The following AKT1S1 variants were observed in gnomAD, a reference collection of about 807,000 sequenced individuals.
AKT1S1 encodes AKT1 substrate 1, also known as proline-rich AKT1 substrate 1.
Under a neutral mutation model 21.2 loss-of-function variants are expected in AKT1S1, and 17 were observed. The observed-to-expected ratio is 0.80, with a 90% confidence interval of 0.55 to 1.20. The LOEUF is 1.20. AKT1S1 is among the 50% of genes most tolerant of loss of function. The pLI, the probability that AKT1S1 is intolerant of heterozygous loss-of-function variation, is 0.00. For synonymous variants in AKT1S1, 181 were observed against 165.6 expected, an observed-to-expected ratio of 1.09 and a Z score of -0.72; for missense variants, 366 against 368.3, an observed-to-expected ratio of 0.99 and a Z score of 0.05.
intron 1 of AKT1S1, chr19:49,876,799 C>G (rs1175596445): frequency 9.8e-7 from 1 of 1,017,294 alleles, no homozygotes; most frequent in Non-Finnish European, 1.3e-6. Context: ...CAGCTTGCCC[C>G]TAAGAAAAAT....
chr19:49,875,955 T>C (rs1568669673), intron 1 of AKT1S1: 9 of 985,172 alleles, frequency 9.1e-6, no homozygotes, highest in Non-Finnish European at 1.1e-5. Flanking sequence ...ACGAGTTTCG[T>C]GTAAGATCAG....
chr19:49,873,134 C>T lies in AKT1S1; in HGVS notation c.162G>A (p.Leu54=), dbSNP rs1196851610. The T allele has an allele frequency of 2.6e-6, 4 of 1,540,404 alleles. No homozygotes were observed. Among genetic ancestry groups the T allele is most frequent in the Non-Finnish European group, 1.7e-6 (2 of 1,148,324 alleles). The change falls in exon 2 of 5, where the codon CTG becomes CTA. Residue 54 remains leucine, a synonymous_variant. Transcript: ENST00000344175. The surrounding 1 kb of genome is among the most constrained non-coding windows in gnomAD (Gnocchi z 6.9). ...CAYAAHGRGA[L]AEAARRCLHD... is the part of the protein sequence containing the mutation. ...GGAGGCAACGGCGCGCTGCCTCCGC[C>T]AGGGCTCCTCGACCATGGGCAGCAT...
upstream of AKT1S1, chr19:49,878,011 C>A (rs2074972912): frequency 1.2e-6 from 1 of 820,126 alleles, no homozygotes; most frequent in African/African-American, 1.7e-5. Context: ...ATTCTCCCCG[C>A]CTTGGTCCCG....
At chr19:49,876,632 G>T (rs1470767700) in intron 1 of AKT1S1, 6 of 1,530,154 alleles carry the variant, frequency 3.9e-6, no homozygotes, top group Non-Finnish European at 5.3e-6. Flanking sequence ...CCGGCCCGGC[G>T]CCGTCACCGC....
chr19:49,869,779 G>A lies in AKT1S1; in HGVS notation c.*138C>T, dbSNP rs1047372709. On this transcript the variant is annotated 3_prime_UTR_variant, in exon 5 of 5. Coordinates refer to ENST00000344175, the MANE Select transcript of AKT1S1 (RefSeq NM_001098633.4). Reference sequence around the variant, plus strand: ...GCTGGAAGGACGGCGGGGATTGGCAGAGGCGGGACAATCTTGGGAATGGGA... The same window carrying A: ...GCTGGAAGGACGGCGGGGATTGGCAAAGGCGGGACAATCTTGGGAATGGGA... 23 of 1,028,126 alleles carry A rather than the reference G, an allele frequency of 2.2e-5. No individual in the cohort carries two copies. The African/African-American group carries it at 2.7e-4, about 12-fold the overall frequency. 63.7% of individuals were successfully genotyped at this position (1,028,126 alleles called of 1,614,324 possible). A position where few individuals can be genotyped will look rare whatever the true frequency, so the allele number is the denominator to read the frequency against.
upstream of AKT1S1, chr19:49,877,794 G>A (rs892100150): frequency 3.9e-6 from 6 of 1,556,722 alleles, no homozygotes; most frequent in South Asian, 1.2e-5. Context: ...GAAACGCCCC[G>A]TCTAGTGATC....
chr19:49,869,985 C>G lies in AKT1S1; in HGVS notation c.703G>C (p.Val235Leu). ...CGCGGCCGTGGCAGGTCCCCGAAGA[C>G]CTGGGTGTCCTCGGCCTCTCGCAGC... ...LVLREAEDTQVFGDLPRPRLN... is the reference protein window; with the variant it reads ...LVLREAEDTQLFGDLPRPRLN... Residue 235 changes from valine (V) to leucine (L), a missense_variant, in exon 5 of 5, where the codon GTC becomes CTC. Transcript: ENST00000344175. 1.3e-6 allele frequency: 2 copies of G among 1,547,646 alleles called. No individual in the cohort carries two copies. Among genetic ancestry groups the G allele is most frequent in the East Asian group, 2.5e-5 (1 of 40,140 alleles).
intron 1 of AKT1S1, chr19:49,876,252 C>A (rs2074942631): frequency 9.0e-7 from 1 of 1,115,804 alleles, no homozygotes; most frequent in Non-Finnish European, 1.1e-6. Context: ...CAGGAAATCC[C>A]GCCCAGACGG....
intron 4 of AKT1S1, 77 bp downstream of exon 4, chr19:49,871,470 T>A: frequency 2.5e-6 from 4 of 1,583,792 alleles, no homozygotes; most frequent in Non-Finnish European, 3.4e-6. Flanking sequence ...GCAGCATCCA[T>A]GCTGGAGGGC....
upstream of AKT1S1, chr19:49,878,135 C>A: frequency 6.4e-7 from 1 of 1,570,996 alleles, no homozygotes; most frequent in Non-Finnish European, 8.6e-7. Context: ...TGGTTCCCCC[C>A]AACTCAGGTG....
At position 49,873,247 on chromosome 19, in the gene AKT1S1, C is replaced by T. The variant is rs970350587; in HGVS notation, c.49G>A (p.Ala17Thr). The T allele has an allele frequency of 3.9e-6, 6 of 1,532,698 alleles. No individual in the cohort carries two copies. The highest frequency in any genetic ancestry group is 3.9e-5 in the Admixed American group (2 of 51,774). The allele number at this position is 1,532,698 out of a possible 1,614,324, so 94.9% of individuals were successfully genotyped here. A position where few individuals can be genotyped will look rare whatever the true frequency, so the allele number is the denominator to read the frequency against. ...CCAGTCCGGGCCCGGAAGCGCTCAG[C>T]GGCCCCCACCACGGCCTCCCACAGC... Reference protein sequence around the residue: ...EELWEAVVGAAERFRARTGTE... With the variant: ...EELWEAVVGATERFRARTGTE... The change falls in exon 2 of 5, where the codon GCT becomes ACT. Residue 17 changes from alanine (A) to threonine (T), a missense_variant. Transcript: ENST00000344175. This position sits in a 1 kb window ranked among gnomAD's most constrained non-coding sequence, Gnocchi z 6.9.
chr19:49,875,849 G>A, intron 1 of AKT1S1: 1 of 985,436 alleles, frequency 1.0e-6, no homozygotes, highest in Non-Finnish European at 1.2e-6. Flanking sequence ...CAGGAGAGTA[G>A]CCAAGACCTG....
At chr19:49,871,965 G>C in intron 2 of AKT1S1, 76 bp from the exon 3 acceptor site, 2 of 1,463,774 alleles carry the variant, frequency 1.4e-6, no homozygotes, top group Non-Finnish European at 1.9e-6. Flanking sequence ...CCTCAGCCAC[G>C]GCCACTGCCA....
At chr19:49,871,985 C>T (rs2290775) in intron 2 of AKT1S1, 96 bp from the exon 3 acceptor site, 503,749 of 1,237,162 alleles carry the variant, frequency 0.41, 104,480 homozygotes, top group South Asian at 0.52. Context: ...ACAGCCACCA[C>T]CTCCACCTCC....
chr19:49,871,315 T>C (rs898782761), intron 4 of AKT1S1, among the ~76,000 whole-genome samples: 6 of 152,058 alleles, frequency 3.9e-5, no homozygotes, highest in Admixed American at 1.3e-4. Context: ...GTTCTATAAA[T>C]AGAGACGCTC....
chr19:49,877,723 T>C (rs368072810), upstream of AKT1S1: 9 of 1,600,394 alleles, frequency 5.6e-6, no homozygotes, highest in South Asian at 3.4e-5. Context: ...CGGCGGCGAC[T>C]ATGGAAGGAG....
At chr19:49,870,737 C>CG (rs1473942935) in intron 4 of AKT1S1, among the ~76,000 whole-genome samples, 1 of 152,198 alleles carries the variant, frequency 6.6e-6, no homozygotes, top group Non-Finnish European at 1.5e-5. Flanking sequence ...GACCAGCCCC[C>CG]GGGCACAGCA....
At chr19:49,877,011 T>G (rs1460804047) in intron 1 of AKT1S1, 1 of 262,680 alleles carries the variant, frequency 3.8e-6, no homozygotes, top group Non-Finnish European at 7.2e-6. Flanking sequence ...ATATTGGCTC[T>G]CCCTCCCTCC....
chr19:49,872,366 A>T, intron 2 of AKT1S1, among the ~76,000 whole-genome samples: 1 of 152,182 alleles, frequency 6.6e-6, no homozygotes, highest in Non-Finnish European at 1.5e-5. Context: ...ATTGGTAATA[A>T]CAACAAACAA....
Sources: gnomAD v4.1 joint callset for allele counts (sites outside exome capture counted in the v4.1 genomes callset) on GRCh38, gnomAD v4.1.1 for gene constraint, Gnocchi (gnomAD v3.1) non-coding constraint, MANE v1.5 for transcripts, NCBI Gene and HGNC (gene_info 2026-07-23, HGNC 2026-07-21) for gene names.